The following FLT3 variants were observed in gnomAD, a reference collection of about 807,000 sequenced individuals.
FLT3 encodes receptor-type tyrosine-protein kinase FLT3.
In FLT3, 46 loss-of-function variants were observed where a neutral mutation model predicts 126.6. That is an observed-to-expected ratio of 0.36 (90% CI 0.29 to 0.46). FLT3 has a LOEUF of 0.46. Among genes scored for constraint, FLT3 ranks in the 20% least tolerant of loss-of-function variants. The probability of loss-of-function intolerance (pLI) is 1.00; values close to 1 mark genes in which losing one functional copy is unlikely to be tolerated. For synonymous variants in FLT3, 404 were observed against 434.4 expected, an observed-to-expected ratio of 0.93 and a Z score of 0.87; for missense variants, 1,069 against 1,190.3, an observed-to-expected ratio of 0.90 and a Z score of 1.50.
intron 2 of FLT3, among the ~76,000 whole-genome samples, chr13:28,068,927 T>C (rs935331581): frequency 6.6e-6 from 1 of 152,086 alleles, no homozygotes; most frequent in African/African-American, 2.4e-5. Context: ...TTGAGTAAAT[T>C]TACTAAATAT....
At chr13:28,006,456 T>C (rs1870904412) in intron 23 of FLT3, among the ~76,000 whole-genome samples, 2 of 152,144 alleles carry the variant, frequency 1.3e-5, no homozygotes, top group African/African-American at 4.8e-5. Context: ...GAAGTAGACA[T>C]AGCAGTTAGT....
Position 28,049,979 on chromosome 13 carries a change from T to C in FLT3, c.742+116A>G, listed in dbSNP as rs113969458. 8 of 1,268,136 alleles carry C rather than the reference T, an allele frequency of 6.3e-6. 1 individual carries two copies. The highest frequency in any genetic ancestry group is 1.1e-6 in the Non-Finnish European group (1 of 903,782). The allele number at this position is 1,268,136 out of a possible 1,614,324, so 78.6% of individuals were successfully genotyped here. ...CCATAATATTGCATTTACTGTGACC[T>C]GAAGGAATGATAGGATTTCTGAAGT... On this transcript the variant is annotated intron_variant, in intron 6 of 23. Coordinates refer to ENST00000241453, the MANE Select transcript of FLT3 (RefSeq NM_004119.3).
rs17086226 is a variant in FLT3, at chr13:28,018,409, T to C, written c.2541+58A>G. 347,976 of 1,594,688 alleles carry C rather than the reference T, an allele frequency of 0.22. 41,047 individuals carry two copies. The highest frequency in any genetic ancestry group is 0.4 in the South Asian group (35,648 of 89,830). Reference sequence around the variant, plus strand: ...CCACAGTGAGTGCAGTTGTTTACCATGATAACGACACAACACAAAATAGCC... The same window carrying C: ...CCACAGTGAGTGCAGTTGTTTACCACGATAACGACACAACACAAAATAGCC... On this transcript the variant is annotated intron_variant, in intron 20 of 23. Coordinates refer to ENST00000241453, the MANE Select transcript of FLT3 (RefSeq NM_004119.3).
At chr13:28,060,064 T>G (rs1876395576) in intron 3 of FLT3, among the ~76,000 whole-genome samples, 1 of 151,652 alleles carries the variant, frequency 6.6e-6, no homozygotes, top group Non-Finnish European at 1.5e-5. Context: ...AATTTTATCT[T>G]TAACATGATA....
chr13:28,012,214 G>A (rs557237538), intron 23 of FLT3, among the ~76,000 whole-genome samples: 150 of 152,244 alleles, frequency 9.9e-4, no homozygotes, highest in African/African-American at 3.4e-3. Context: ...TTTGTGAACC[G>A]TCTGTCCCTA....
chr13:28,096,658 A>G (rs926347445), intron 1 of FLT3, among the ~76,000 whole-genome samples: 1 of 151,970 alleles, frequency 6.6e-6, no homozygotes, highest in South Asian at 2.1e-4. Context: ...GCTGGTCTCA[A>G]ACTCCTCAAG....
chr13:28,066,060 T>C (rs1230114150), intron 2 of FLT3, among the ~76,000 whole-genome samples: 1 of 152,068 alleles, frequency 6.6e-6, no homozygotes, highest in Non-Finnish European at 1.5e-5. Context: ...CAAGACGGAA[T>C]ACGAACCAAA....
At chr13:28,074,162 T>C (rs1156257651) in intron 1 of FLT3, among the ~76,000 whole-genome samples, 2 of 152,168 alleles carry the variant, frequency 1.3e-5, no homozygotes, top group Non-Finnish European at 2.9e-5. Flanking sequence ...CAGTATGAAC[T>C]GTTTTTTTAT....
chr13:28,048,521 G>T, intron 8 of FLT3, 78 bp from the exon 9 acceptor site: 1 of 991,754 alleles, frequency 1.0e-6, no homozygotes, highest in Non-Finnish European at 1.5e-6. Context: ...AAATAAACTT[G>T]TATTCATCAG....
At chr13:28,043,586 C>T (rs577653630) in intron 9 of FLT3, among the ~76,000 whole-genome samples, 9 of 152,102 alleles carry the variant, frequency 5.9e-5, no homozygotes, top group Non-Finnish European at 1.2e-4. Flanking sequence ...CTTCACAAAC[C>T]AAATTCGGTT....
At chr13:28,066,676 C>T (rs943924734) in intron 2 of FLT3, among the ~76,000 whole-genome samples, 2 of 151,972 alleles carry the variant, frequency 1.3e-5, no homozygotes, top group Non-Finnish European at 2.9e-5. Context: ...TGAATAAATA[C>T]ATAAATAAAA....
chr13:28,025,070 A>T, intron 17 of FLT3, 127 bp from the exon 18 acceptor site: 1 of 650,378 alleles, frequency 1.5e-6, no homozygotes, highest in Non-Finnish European at 2.7e-6. Flanking sequence ...AAAGCACACC[A>T]TCCATTTGTC....
intron 2 of FLT3, chr13:28,068,375 C>T (rs757183864): frequency 6.6e-6 from 1 of 152,158 alleles, no homozygotes; most frequent in Non-Finnish European, 1.5e-5. Flanking sequence ...CATGTTGAAA[C>T]GCGATTCCCA....
chr13:28,069,178 T>C (rs1051779144), intron 2 of FLT3, among the ~76,000 whole-genome samples: 45 of 151,888 alleles, frequency 3.0e-4, no homozygotes, highest in African/African-American at 1.0e-3. Flanking sequence ...CTGAGATGAA[T>C]TGTAGCAGGA....
intron 23 of FLT3, among the ~76,000 whole-genome samples, chr13:28,011,340 A>AGGGGG (rs1871339118): frequency 2.2e-5 from 1 of 45,722 alleles, no homozygotes; most frequent in Non-Finnish European, 4.5e-5. Flanking sequence ...AGGAGAGGGG[A>AGGGGG]GGGGAGGGGA....
At position 28,034,338 on chromosome 13, in the gene FLT3, A is replaced by G. The variant is rs747589437; in HGVS notation, c.1667T>C (p.Val556Ala). The G allele has an allele frequency of 3.1e-6, 5 of 1,614,136 alleles. No individual in the cohort carries two copies. Among genetic ancestry groups the G allele is most frequent in the Non-Finnish European group, 3.4e-6 (4 of 1,179,968 alleles). The part of the protein sequence containing the change: ...ATIGVCLLFI[V>A]VLTLLICHKY... ...GTGACAAATTAGCAGGGTTAAAACG[A>G]CAATGAAGAGGAGACAAACACCAAT... is the stretch of plus-strand genomic sequence containing the variant. The change falls in exon 13 of 24, where the codon GTC becomes GCC. Residue 556 changes from valine (V) to alanine (A), a missense_variant. By Grantham distance (64) the Val-to-Ala change is moderately conservative (BLOSUM62 0). Coordinates refer to ENST00000241453, the MANE Select transcript of FLT3 (RefSeq NM_004119.3).
At chr13:28,066,541 T>A (rs983145095) in intron 2 of FLT3, among the ~76,000 whole-genome samples, 12 of 152,134 alleles carry the variant, frequency 7.9e-5, no homozygotes, top group African/African-American at 2.9e-4. Flanking sequence ...GGAGCAAAAC[T>A]GAAGTAGTTC....
intron 1 of FLT3, among the ~76,000 whole-genome samples, chr13:28,083,648 T>C (rs1441450650): frequency 6.6e-6 from 1 of 152,234 alleles, no homozygotes; most frequent in African/African-American, 2.4e-5. Flanking sequence ...TATTTTTAAC[T>C]ACAGATTAAA....
chr13:28,061,053 A>T (rs556425595), intron 3 of FLT3, among the ~76,000 whole-genome samples: 1 of 152,116 alleles, frequency 6.6e-6, no homozygotes, highest in South Asian at 2.1e-4. Context: ...TTGATGAACC[A>T]ATTTTAAAGT....
Sources: gnomAD v4.1 joint callset for allele counts (sites outside exome capture counted in the v4.1 genomes callset) on GRCh38, gnomAD v4.1.1 for gene constraint, MANE v1.5 for transcripts, NCBI Gene and HGNC (gene_info 2026-07-23, HGNC 2026-07-21) for gene names.